Variants in LOC400499 observed in about 807,000 individuals in gnomAD.
the LOC400499 span, chr16:11,383,919 G>T: frequency 8.1e-7 from 1 of 1,231,930 alleles, no homozygotes; most frequent in Non-Finnish European, 1.0e-6. Context: ...TGGAGTGGGG[G>T]CCCTCGAAGA....
the LOC400499 span, among the ~76,000 whole-genome samples, chr16:11,498,706 G>A: frequency 6.6e-6 from 1 of 151,658 alleles, no homozygotes. Flanking sequence ...AGAGGCATGA[G>A]CTCTGGCCTG....
At chr16:11,381,059 C>T in the LOC400499 span, 7 of 152,184 alleles carry the variant, frequency 4.6e-5, no homozygotes, top group African/African-American at 1.4e-4. Context: ...TTTTATAGTG[C>T]ACTCGTAACT....
At chr16:11,421,139 G>T in the LOC400499 span, among the ~76,000 whole-genome samples, 1 of 152,204 alleles carries the variant, frequency 6.6e-6, no homozygotes, top group African/African-American at 2.4e-5. Flanking sequence ...CAGGCTCAGG[G>T]CAGATCCAGA....
the LOC400499 span, among the ~76,000 whole-genome samples, chr16:11,444,876 G>C: frequency 6.6e-6 from 1 of 152,028 alleles, no homozygotes; most frequent in Non-Finnish European, 1.5e-5. Flanking sequence ...GAGTCCAGGA[G>C]CTCAAGACCA....
the LOC400499 span, chr16:11,407,379 G>T: frequency 2.5e-6 from 1 of 397,942 alleles, no homozygotes; most frequent in Admixed American, 4.4e-5. Flanking sequence ...ACACGATAAA[G>T]CTCCTCATCA....
chr16:11,383,865 A>G, the LOC400499 span: 12 of 1,232,014 alleles, frequency 9.7e-6, no homozygotes, highest in African/African-American at 3.1e-5. Flanking sequence ...TCTGCACCCC[A>G]TGGGCCAGGC....
the LOC400499 span, among the ~76,000 whole-genome samples, chr16:11,440,363 C>G: frequency 6.6e-6 from 1 of 152,224 alleles, no homozygotes; most frequent in Non-Finnish European, 1.5e-5. Context: ...AATGACCTTT[C>G]TACCTATGGG....
the LOC400499 span, among the ~76,000 whole-genome samples, chr16:11,426,785 T>C: frequency 1.3e-5 from 2 of 148,856 alleles, no homozygotes; most frequent in African/African-American, 5.0e-5. Flanking sequence ...TATCTGGGCA[T>C]GGTGGCAGGT....
the LOC400499 span, among the ~76,000 whole-genome samples, chr16:11,408,141 C>A: frequency 6.6e-6 from 1 of 151,920 alleles, no homozygotes; most frequent in African/African-American, 2.4e-5. Context: ...TACCACCACA[C>A]CCAACTAATT....
chr16:11,446,863 G>T, the LOC400499 span: 32 of 1,535,932 alleles, frequency 2.1e-5, no homozygotes, highest in Non-Finnish European at 2.6e-5. Context: ...AGCTGTGAAG[G>T]TCTCCTGCAG....
At chr16:11,508,630 G>A in the LOC400499 span, 1 of 397,794 alleles carries the variant, frequency 2.5e-6, no homozygotes, top group Non-Finnish European at 4.4e-6. Context: ...TGAGAGGATG[G>A]GCCAGGATAT....
chr16:11,381,788 C>T, the LOC400499 span, among the ~76,000 whole-genome samples: 1 of 152,316 alleles, frequency 6.6e-6, no homozygotes, highest in Admixed American at 6.5e-5. Context: ...CAGTTATCAA[C>T]ATGTTCTTCC....
chr16:11,471,689 A>C, the LOC400499 span: 9 of 399,104 alleles, frequency 2.3e-5, no homozygotes, highest in African/African-American at 1.8e-4. Context: ...TCCAGCAGGT[A>C]CTGTCGGAGC....
chr16:11,515,309 C>T, the LOC400499 span, among the ~76,000 whole-genome samples: 1 of 151,652 alleles, frequency 6.6e-6, no homozygotes, highest in Non-Finnish European at 1.5e-5. Flanking sequence ...AAAAATTTAA[C>T]CAGGAATGGT....
At chr16:11,401,467 C>T in the LOC400499 span, 1 of 399,354 alleles carries the variant, frequency 2.5e-6, no homozygotes, top group African/African-American at 2.1e-5. Context: ...CTCTTTCCCA[C>T]CCGCACAGAC....
chr16:11,524,482 C>A, the LOC400499 span, among the ~76,000 whole-genome samples: 9 of 151,694 alleles, frequency 5.9e-5, no homozygotes, highest in East Asian at 1.8e-3. Context: ...CCCAGCCATA[C>A]CCTCATCCTG....
At chr16:11,488,841 G>C in the LOC400499 span, 3 of 398,840 alleles carry the variant, frequency 7.5e-6, no homozygotes, top group Non-Finnish European at 8.8e-6. Flanking sequence ...AGCAGCTGCA[G>C]GATGTGACTC....
chr16:11,425,692 G>A, the LOC400499 span, among the ~76,000 whole-genome samples: 64,220 of 151,954 alleles, frequency 0.42, 15,114 homozygotes, highest in East Asian at 0.56. Flanking sequence ...AGAGCTATAC[G>A]TTTATATAGC....
the LOC400499 span, chr16:11,396,768 C>A: frequency 9.6e-7 from 1 of 1,040,918 alleles, no homozygotes; most frequent in South Asian, 5.0e-5. Context: ...CAGCAGCTGC[C>A]ACCTCCCAGC....
Sources: gnomAD v4.1 joint callset for allele counts (sites outside exome capture counted in the v4.1 genomes callset) on GRCh38, gnomAD v4.1.1 for gene constraint, MANE v1.5 for transcripts.